PTPRD: variants seen among roughly 807,000 people sequenced by gnomAD.
PTPRD encodes the protein protein tyrosine phosphatase receptor type D.
A neutral mutation model predicts 214.5 loss-of-function variants in PTPRD; 34 were observed. The observed-to-expected ratio is 0.16, with a 90% CI of 0.12 to 0.21. The LOEUF (loss-of-function observed/expected upper bound fraction) is 0.21. Ranked by LOEUF, PTPRD falls within the 10% of genes least tolerant of loss-of-function variation. The probability of loss-of-function intolerance (pLI) is 1.00; values close to 1 mark genes in which losing one functional copy is unlikely to be tolerated. For missense variants in PTPRD, 2,545 were observed against 2,398.7 expected (o/e 1.06, Z -1.27); for synonymous variants, 1,128 against 845.7 (o/e 1.33, Z -5.79).
chr9:10,425,311 C>T (rs1275723922), intron 2 of PTPRD, among the ~76,000 whole-genome samples: 1 of 151,992 alleles, frequency 6.6e-6, no homozygotes, highest in East Asian at 1.9e-4. Flanking sequence ...CTCAGTGTTG[C>T]ACATACTTTA....
rs182802078 is a variant in PTPRD at position 10,341,429 on chromosome 9, G to T, written c.-599-412C>A. On this transcript the variant is annotated intron_variant, in intron 2 of 45. Transcript: ENST00000381196. Reference sequence around the variant, plus strand: ...TTAATGATTGAATAAAGAAAAAAATGTGGCTCATAAAAGATAATATAGCAA... The same window carrying T: ...TTAATGATTGAATAAAGAAAAAAATTTGGCTCATAAAAGATAATATAGCAA... 2.9e-3 allele frequency among the ~76,000 whole-genome samples: 444 copies of T among 151,576 alleles called. 1 individual carries two copies. The highest frequency in any genetic ancestry group is 4.6e-3 in the Non-Finnish European group (310 of 67,824).
At chr9:8,935,315 TA>T (rs770851575) in intron 11 of PTPRD, among the ~76,000 whole-genome samples, 11 of 152,146 alleles carry the variant, frequency 7.2e-5, no homozygotes, top group Non-Finnish European at 1.6e-4. Context: ...AGCAATTATT[TA>T]AAAAAGAAAT....
At chr9:9,349,853 T>A (rs2050431738) in intron 9 of PTPRD, among the ~76,000 whole-genome samples, 1 of 151,990 alleles carries the variant, frequency 6.6e-6, no homozygotes, top group African/African-American at 2.4e-5. Flanking sequence ...GCAGAACTTA[T>A]CCAGAACCCT....
intron 12 of PTPRD, among the ~76,000 whole-genome samples, chr9:8,691,316 T>C (rs1004420836): frequency 2.6e-5 from 4 of 151,854 alleles, no homozygotes; most frequent in African/African-American, 9.7e-5. Context: ...CCTACTGTGC[T>C]GCCTCCAAGG....
At chr9:9,803,124 G>T (rs2153515956) in intron 5 of PTPRD, among the ~76,000 whole-genome samples, 1 of 151,884 alleles carries the variant, frequency 6.6e-6, no homozygotes, top group Non-Finnish European at 1.5e-5. Context: ...TGCCAGACAT[G>T]TAAGCATTAC....
chr9:9,848,462 T>C (rs539210713), intron 5 of PTPRD, among the ~76,000 whole-genome samples: 18 of 152,260 alleles, frequency 1.2e-4, no homozygotes, highest in Non-Finnish European at 2.2e-4. Flanking sequence ...TATCCATTAA[T>C]AAGCATTTAC....
chr9:9,784,597 C>T (rs2098902228), intron 5 of PTPRD, among the ~76,000 whole-genome samples: 1 of 151,880 alleles, frequency 6.6e-6, no homozygotes, highest in African/African-American at 2.4e-5. Context: ...CATCTTATTT[C>T]AAGATTTTTT....
chr9:10,521,401 C>A (rs1212844083), intron 2 of PTPRD, among the ~76,000 whole-genome samples: 1 of 152,088 alleles, frequency 6.6e-6, no homozygotes, highest in Non-Finnish European at 1.5e-5. Context: ...GAAGTGGTTT[C>A]TTGAGGTGGG....
chr9:9,796,991 T>C (rs894219958), intron 5 of PTPRD, among the ~76,000 whole-genome samples: 1 of 152,146 alleles, frequency 6.6e-6, no homozygotes, highest in Non-Finnish European at 1.5e-5. Flanking sequence ...TAAGAAGTTT[T>C]TATCAACTAA....
chr9:10,606,882 A>G (rs902200089), intron 2 of PTPRD, among the ~76,000 whole-genome samples: 1 of 151,952 alleles, frequency 6.6e-6, no homozygotes, highest in African/African-American at 2.4e-5. Flanking sequence ...TTCTAATATG[A>G]TGAATGCATT....
At chr9:8,540,542 T>C (rs2078141644) in intron 14 of PTPRD, among the ~76,000 whole-genome samples, 1 of 152,200 alleles carries the variant, frequency 6.6e-6, no homozygotes. Flanking sequence ...ACGTTTATTA[T>C]TTTTATTTAG....
chr9:8,945,414 C>A (rs1447349587), intron 11 of PTPRD, among the ~76,000 whole-genome samples: 1 of 151,958 alleles, frequency 6.6e-6, no homozygotes. Context: ...TCCGTTTTTA[C>A]TCTATTTCAA....
chr9:10,052,507 C>A (rs1203730028), intron 3 of PTPRD, among the ~76,000 whole-genome samples: 1 of 152,080 alleles, frequency 6.6e-6, no homozygotes, highest in Non-Finnish European at 1.5e-5. Context: ...AAAGGAGAAA[C>A]TGACATTTAT....
intron 3 of PTPRD, among the ~76,000 whole-genome samples, chr9:10,049,814 A>T (rs1324149352): frequency 1.3e-5 from 2 of 152,190 alleles, no homozygotes; most frequent in Non-Finnish European, 2.9e-5. Context: ...CTTGTAGGCC[A>T]AGTCCTTGTA....
intron 14 of PTPRD, among the ~76,000 whole-genome samples, chr9:8,606,549 G>A (rs986399392): frequency 2.6e-5 from 4 of 152,148 alleles, no homozygotes; most frequent in South Asian, 2.1e-4. Context: ...GAGTAAATAA[G>A]TAACTGTTGA....
At chr9:8,412,058 TAAG>T (rs1022029545) in intron 35 of PTPRD, among the ~76,000 whole-genome samples, 8 of 152,340 alleles carry the variant, frequency 5.3e-5, no homozygotes, top group Admixed American at 1.3e-4. Context: ...CGATGACTTA[TAAG>T]AAGAAGTCAC....
intron 8 of PTPRD, among the ~76,000 whole-genome samples, chr9:9,453,543 G>T (rs531751683): frequency 1.1e-4 from 16 of 151,474 alleles, no homozygotes; most frequent in African/African-American, 3.6e-4. Context: ...CAGTCTAAGG[G>T]GATTCTTATT....
At chr9:9,487,000 T>G (rs2095665636) in intron 8 of PTPRD, among the ~76,000 whole-genome samples, 1 of 152,180 alleles carries the variant, frequency 6.6e-6, no homozygotes, top group Admixed American at 6.6e-5. Context: ...ACCATATTAT[T>G]TTAAATAAAT....
chr9:8,462,235 G>C (rs1265961886), intron 32 of PTPRD, among the ~76,000 whole-genome samples: 1 of 151,814 alleles, frequency 6.6e-6, no homozygotes, highest in African/African-American at 2.4e-5. Context: ...TCTAAGAATG[G>C]ATACTGATTT....
Sources: gnomAD v4.1 joint callset for allele counts (sites outside exome capture counted in the v4.1 genomes callset) on GRCh38, gnomAD v4.1.1 for gene constraint, MANE v1.5 for transcripts, NCBI Gene and HGNC (gene_info 2026-07-23, HGNC 2026-07-21) for gene names.